Variants in CCT8 observed in about 807,000 individuals in gnomAD.
CCT8 encodes T-complex protein 1 subunit theta.
A neutral mutation model predicts 65.7 loss-of-function variants in CCT8; 10 were observed. That is an observed-to-expected ratio of 0.15 (90% CI 0.09 to 0.26). The LOEUF (loss-of-function observed/expected upper bound fraction) is 0.26. Among genes scored for constraint, CCT8 ranks in the 10% least tolerant of loss-of-function variants. The pLI is 1.00. For synonymous variants in CCT8, 199 were observed against 221.8 expected (o/e 0.90, Z 0.92); for missense variants, 568 against 669.1 (o/e 0.85, Z 1.67).
At chr21:29,070,398 C>G in intron 1 of CCT8, 61 bp from the exon 2 acceptor site, 1 of 986,362 alleles carries the variant, frequency 1.0e-6, no homozygotes, top group East Asian at 2.5e-5. Flanking sequence ...ACAAAAATTT[C>G]AAATACAAGA....
intron 11 of CCT8, among the ~76,000 whole-genome samples, 184 bp downstream of exon 11, chr21:29,061,944 A>C (rs2085568758): frequency 6.6e-6 from 1 of 152,192 alleles, no homozygotes; most frequent in African/African-American, 2.4e-5. Flanking sequence ...TCTTTTTTGG[A>C]AACTATCATA....
intron 14 of CCT8, among the ~76,000 whole-genome samples, chr21:29,058,504 A>G: frequency 6.6e-6 from 1 of 152,166 alleles, no homozygotes; most frequent in African/African-American, 2.4e-5. Flanking sequence ...ACCATAATCA[A>G]AAGTGCTCAT....
chr21:29,072,103 G>A (rs1197609794), intron 1 of CCT8: 1 of 624,244 alleles, frequency 1.6e-6, no homozygotes, highest in Non-Finnish European at 2.8e-6. Context: ...AGAGGTCGGG[G>A]GAAACAGCCC....
At chr21:29,059,178 A>C (rs1414258673) in intron 14 of CCT8, among the ~76,000 whole-genome samples, 6 of 152,254 alleles carry the variant, frequency 3.9e-5, no homozygotes, top group Non-Finnish European at 1.5e-5. Context: ...AGATTAATCC[A>C]GTCCGTACTA....
intron 11 of CCT8, 91 bp from the exon 12 acceptor site, chr21:29,061,658 G>C (rs1466605038): frequency 4.1e-6 from 5 of 1,213,710 alleles, no homozygotes; most frequent in African/African-American, 1.5e-5. Context: ...TCACATTCCA[G>C]TACCCCACCA....
intron 7 of CCT8, 32 bp downstream of exon 7, chr21:29,064,936 A>C (rs977518784): frequency 6.2e-7 from 1 of 1,603,350 alleles, no homozygotes; most frequent in Non-Finnish European, 8.5e-7. Context: ...TGCAACCCCA[A>C]TTATTACTTT....
At chr21:29,070,197 T>C in intron 2 of CCT8, 50 bp downstream of exon 2, 1 of 1,151,224 alleles carries the variant, frequency 8.7e-7, no homozygotes, top group Non-Finnish European at 1.3e-6. Flanking sequence ...GAAGACGTAG[T>C]ACACAATATT....
rs751305456 is a variant in CCT8 at position 29,073,635 on chromosome 21, C to T, written c.-45G>A. On this transcript the variant is annotated 5_prime_UTR_variant, in exon 1 of 15. Coordinates refer to ENST00000286788, the MANE Select transcript of CCT8 (RefSeq NM_006585.4). ...GTTCACGCGACCGCTCGGAAGACCG[C>T]GGAGGAAGCGAGGAGCACGCACAGC... 7 of 1,589,358 alleles carry T rather than the reference C, an allele frequency of 4.4e-6. No homozygotes were observed. The East Asian group carries it at 1.6e-4, about 35-fold the overall frequency.
At chr21:29,056,792 G>A (rs919459172) in intron 14 of CCT8, among the ~76,000 whole-genome samples, 1 of 152,182 alleles carries the variant, frequency 6.6e-6, no homozygotes, top group Non-Finnish European at 1.5e-5. Flanking sequence ...ACAGAGATTA[G>A]TGAACATTCC....
chr21:29,065,261 A>T (rs924684230), intron 6 of CCT8, among the ~76,000 whole-genome samples, 156 bp from the exon 7 acceptor site: 5 of 152,170 alleles, frequency 3.3e-5, no homozygotes, highest in African/African-American at 1.2e-4. Context: ...GTGGACATAC[A>T]GCACACCCTT....
intron 2 of CCT8, 88 bp downstream of exon 2, chr21:29,070,159 C>A: frequency 1.4e-6 from 1 of 716,608 alleles, no homozygotes; most frequent in South Asian, 2.4e-5. Flanking sequence ...CGAAGTCATA[C>A]CATAACATCC....
At chr21:29,067,158 T>A in intron 4 of CCT8, 87 bp from the exon 5 acceptor site, 1 of 890,306 alleles carries the variant, frequency 1.1e-6, no homozygotes, top group Non-Finnish European at 1.7e-6. Flanking sequence ...TTATTTTTGA[T>A]ACAAAATGAC....
At chr21:29,067,166 G>T in intron 4 of CCT8, 95 bp from the exon 5 acceptor site, 2 of 855,130 alleles carry the variant, frequency 2.3e-6, no homozygotes, top group African/African-American at 1.7e-5. Flanking sequence ...GATACAAAAT[G>T]ACAAAGAATA....
At chr21:29,068,434 C>A (rs1156706660) in intron 3 of CCT8, among the ~76,000 whole-genome samples, 1 of 151,920 alleles carries the variant, frequency 6.6e-6, no homozygotes, top group Non-Finnish European at 1.5e-5. Context: ...AACTTAAGTT[C>A]TTTAAGAATT....
rs918695793 is a variant in CCT8, at chr21:29,073,246, G to A, written c.60+285C>T. On this transcript the variant is annotated intron_variant, in intron 1 of 14. Coordinates refer to ENST00000286788, the MANE Select transcript of CCT8 (RefSeq NM_006585.4). ...CGGGCCTTAGCCCCATTTACGGATG[G>A]AGGCAAAACGCACGCGCGGCTTCAC... 3.8e-6 allele frequency: 5 copies of A among 1,305,020 alleles called. No individual in the cohort carries two copies. The East Asian group carries it at 1.6e-4, about 41-fold the overall frequency. 80.8% of individuals were successfully genotyped at this position (1,305,020 alleles called of 1,614,324 possible). A position where few individuals can be genotyped will look rare whatever the true frequency, so the allele number is the denominator to read the frequency against.
At chr21:29,059,469 T>G (rs1568908922) in intron 14 of CCT8, 1 of 152,024 alleles carries the variant, frequency 6.6e-6, no homozygotes, top group Non-Finnish European at 1.5e-5. Flanking sequence ...ATAATTGACA[T>G]TCAAAGTTCC....
intron 14 of CCT8, among the ~76,000 whole-genome samples, chr21:29,057,733 G>GAT (rs144293608): frequency 0.072 from 6,540 of 90,722 alleles, 182 homozygotes; most frequent in Non-Finnish European, 0.12. Context: ...ATATATGTAT[G>GAT]ATATATATAT....
intron 4 of CCT8, 109 bp downstream of exon 4, chr21:29,067,447 T>G (rs1391719235): frequency 1.3e-6 from 1 of 797,286 alleles, no homozygotes; most frequent in Non-Finnish European, 1.8e-6. Context: ...CAGAGCAAAC[T>G]GCTCAGTGCA....
At chr21:29,065,608 A>C (rs1485317140) in intron 6 of CCT8, among the ~76,000 whole-genome samples, 1 of 152,140 alleles carries the variant, frequency 6.6e-6, no homozygotes. Context: ...CAAAACCAAA[A>C]CCATTCCACT....
Sources: gnomAD v4.1 joint callset for allele counts (sites outside exome capture counted in the v4.1 genomes callset) on GRCh38, gnomAD v4.1.1 for gene constraint, MANE v1.5 for transcripts, NCBI Gene and HGNC (gene_info 2026-07-23, HGNC 2026-07-21) for gene names.